CCSER1: variants seen among roughly 807,000 people sequenced by gnomAD.
CCSER1 encodes coiled-coil serine rich protein 1, also known as serine-rich coiled-coil domain-containing protein 1.
A neutral mutation model predicts 82.0 loss-of-function variants in CCSER1; 41 were observed. The ratio of observed to expected loss-of-function variants is 0.50; its 90% CI spans 0.39 to 0.65. The LOEUF is 0.65. Ranked by LOEUF, CCSER1 falls within the 30% of genes least tolerant of loss-of-function variation. The pLI is 0.00. For missense variants in CCSER1, 1,119 were observed against 1,064.2 expected, an observed-to-expected ratio of 1.05 and a Z score of -0.72; for synonymous variants, 414 against 383.9, an observed-to-expected ratio of 1.08 and a Z score of -0.92.
At chr4:90,167,511 A>G (rs1380102087) in intron 1 of CCSER1, among the ~76,000 whole-genome samples, 2 of 152,160 alleles carry the variant, frequency 1.3e-5, no homozygotes, top group Non-Finnish European at 2.9e-5. Flanking sequence ...TTTAGGGTAC[A>G]TGTGCACAAT....
At chr4:90,225,957 A>G (rs905134072) in intron 1 of CCSER1, among the ~76,000 whole-genome samples, 1 of 152,198 alleles carries the variant, frequency 6.6e-6, no homozygotes, top group Non-Finnish European at 1.5e-5. Flanking sequence ...GTAATACTAT[A>G]TCAGTTATGG....
At chr4:90,999,389 A>C (rs146567145) in intron 9 of CCSER1, among the ~76,000 whole-genome samples, 1 of 152,246 alleles carries the variant, frequency 6.6e-6, no homozygotes, top group African/African-American at 2.4e-5. Flanking sequence ...CCTCATCAAC[A>C]TCTGTTGTTT....
chr4:90,326,279 C>T (rs898175798), intron 3 of CCSER1, among the ~76,000 whole-genome samples: 2 of 151,996 alleles, frequency 1.3e-5, no homozygotes, highest in South Asian at 2.1e-4. Context: ...CCAAGGTGGT[C>T]TCCATCTCCT....
At chr4:90,515,878 A>T (rs915687723) in intron 5 of CCSER1, among the ~76,000 whole-genome samples, 1 of 152,168 alleles carries the variant, frequency 6.6e-6, no homozygotes, top group Non-Finnish European at 1.5e-5. Context: ...ATAGCTGGTA[A>T]ATATTTTGTA....
intron 9 of CCSER1, among the ~76,000 whole-genome samples, chr4:90,982,641 A>T (rs945043795): frequency 6.6e-6 from 1 of 151,814 alleles, no homozygotes; most frequent in East Asian, 2.0e-4. Context: ...AACAAAAAAA[A>T]ATTCCTGCAA....
intron 5 of CCSER1, among the ~76,000 whole-genome samples, chr4:90,501,845 A>G (rs930563932): frequency 6.6e-6 from 1 of 152,154 alleles, no homozygotes; most frequent in Non-Finnish European, 1.5e-5. Context: ...TTAATTATCC[A>G]AAATTATTTT....
intron 4 of CCSER1, among the ~76,000 whole-genome samples, chr4:90,453,806 A>G (rs1359256743): frequency 6.6e-6 from 1 of 152,192 alleles, no homozygotes; most frequent in Non-Finnish European, 1.5e-5. Context: ...TTATGGTAGC[A>G]CTAAGAGAGA....
chr4:91,412,334 C>T (rs1313646320), intron 10 of CCSER1, among the ~76,000 whole-genome samples: 1 of 151,966 alleles, frequency 6.6e-6, no homozygotes, highest in Non-Finnish European at 1.5e-5. Context: ...AGCCATGAAA[C>T]AGCTGTAAGA....
At chr4:91,407,845 T>C (rs1287684550) in intron 10 of CCSER1, among the ~76,000 whole-genome samples, 3 of 152,124 alleles carry the variant, frequency 2.0e-5, no homozygotes, top group Admixed American at 1.3e-4. Flanking sequence ...CTTCCAACAC[T>C]GGGGATGAAA....
chr4:91,079,045 A>C (rs975070019), intron 9 of CCSER1, among the ~76,000 whole-genome samples: 1 of 152,216 alleles, frequency 6.6e-6, no homozygotes, highest in African/African-American at 2.4e-5. Context: ...ATAGCGAGGC[A>C]GGCCAACATT....
At chr4:90,208,740 T>C (rs1034283697) in intron 1 of CCSER1, among the ~76,000 whole-genome samples, 1 of 152,092 alleles carries the variant, frequency 6.6e-6, no homozygotes, top group Admixed American at 6.5e-5. Context: ...CCTCCTGGCT[T>C]CCCTTGGCTA....
chr4:90,839,317 ATAAT>A (rs1427474575), intron 8 of CCSER1, among the ~76,000 whole-genome samples: 3 of 152,252 alleles, frequency 2.0e-5, no homozygotes, highest in Non-Finnish European at 4.4e-5. Flanking sequence ...GTGTAAGAAC[ATAAT>A]TTAATTAAGC....
intron 10 of CCSER1, among the ~76,000 whole-genome samples, chr4:91,345,049 C>T (rs1244789365): frequency 6.6e-6 from 1 of 152,054 alleles, no homozygotes; most frequent in East Asian, 1.9e-4. Flanking sequence ...GTGCTATGTT[C>T]CTTGAAGAAG....
chr4:90,972,897 A>G (rs1239183418), intron 9 of CCSER1, among the ~76,000 whole-genome samples: 1 of 151,804 alleles, frequency 6.6e-6, no homozygotes, highest in Non-Finnish European at 1.5e-5. Flanking sequence ...TCCCAAAAGC[A>G]TACAATGGGG....
intron 8 of CCSER1, among the ~76,000 whole-genome samples, chr4:90,904,102 C>T (rs72665408): frequency 0.051 from 7,683 of 151,994 alleles, 261 homozygotes; most frequent in Admixed American, 0.095. Context: ...GTTTCTTTGA[C>T]TCTTGGTCTT....
At chr4:91,528,579 A>G (rs1005384908) in intron 10 of CCSER1, among the ~76,000 whole-genome samples, 1 of 152,204 alleles carries the variant, frequency 6.6e-6, no homozygotes, top group Non-Finnish European at 1.5e-5. Context: ...TGGCATACAG[A>G]TATATATTTT....
chr4:91,280,211 G>A (rs1742811611), intron 10 of CCSER1, among the ~76,000 whole-genome samples: 1 of 152,212 alleles, frequency 6.6e-6, no homozygotes, highest in Non-Finnish European at 1.5e-5. Flanking sequence ...TTTAGGCAGA[G>A]TGATTCTTGG....
intron 10 of CCSER1, among the ~76,000 whole-genome samples, chr4:91,188,090 AT>A (rs1391750114): frequency 6.6e-6 from 1 of 151,972 alleles, no homozygotes; most frequent in Non-Finnish European, 1.5e-5. Flanking sequence ...ATTATAAATA[AT>A]ATTTATAAAA....
rs576844349 is a variant in CCSER1 at position 91,173,964 on chromosome 4, T to A, written c.2217+87970T>A. 3.2e-3 allele frequency among the ~76,000 whole-genome samples: 481 copies of A among 152,264 alleles called. 1 individual carries two copies. Among genetic ancestry groups the A allele is most frequent in the African/African-American group, 0.011 (444 of 41,558 alleles). ...CCAATAGTCTTAAAAATTGTAGTTT[T>A]TATATATATATTTGAACAAACTTTA... On this transcript the variant is annotated intron_variant, in intron 10 of 10. Coordinates refer to ENST00000509176, the MANE Select transcript of CCSER1 (RefSeq NM_001145065.2).
Sources: gnomAD v4.1 joint callset for allele counts (sites outside exome capture counted in the v4.1 genomes callset) on GRCh38, gnomAD v4.1.1 for gene constraint, MANE v1.5 for transcripts, NCBI Gene and HGNC (gene_info 2026-07-23, HGNC 2026-07-21) for gene names.